SNRNP40: variants seen among roughly 807,000 people sequenced by gnomAD.
SNRNP40 encodes U5 small nuclear ribonucleoprotein 40 kDa protein.
Under a neutral mutation model 45.8 loss-of-function variants are expected in SNRNP40, and 21 were observed. The observed-to-expected ratio is 0.46, with a 90% CI of 0.32 to 0.66. The LOEUF is 0.66. Ranked by LOEUF, SNRNP40 falls within the 30% of genes least tolerant of loss-of-function variation. The pLI, the probability that SNRNP40 is intolerant of heterozygous loss-of-function variation, is 0.03. For synonymous variants in SNRNP40, 142 were observed against 163.8 expected (o/e 0.87, Z 1.01); for missense variants, 344 against 439.1 (o/e 0.78, Z 1.94).
intron 9 of SNRNP40, chr1:31,261,035 G>A (rs1300243700): frequency 2.3e-6 from 3 of 1,282,074 alleles, no homozygotes; most frequent in Non-Finnish European, 3.0e-6. Context: ...GACTGACATT[G>A]ATACCCACAT....
chr1:31,277,231 TATA>T (rs1404829782), intron 5 of SNRNP40, among the ~76,000 whole-genome samples: 1 of 152,178 alleles, frequency 6.6e-6, no homozygotes, highest in African/African-American at 2.4e-5. Flanking sequence ...GAATGAATAT[TATA>T]ATGTTTACAT....
chr1:31,287,663 T>C (rs1646069169), intron 4 of SNRNP40, among the ~76,000 whole-genome samples: 1 of 152,056 alleles, frequency 6.6e-6, no homozygotes, highest in Admixed American at 6.6e-5. Flanking sequence ...CATCCAACCA[T>C]CAAGGGGCCC....
intron 6 of SNRNP40, among the ~76,000 whole-genome samples, chr1:31,270,970 G>C (rs997980650): frequency 6.6e-6 from 1 of 152,146 alleles, no homozygotes; most frequent in Non-Finnish European, 1.5e-5. Flanking sequence ...GAGTGGGGAG[G>C]GAAGACAGAC....
At chr1:31,274,645 T>TAAAAAAA (rs368995037) in intron 5 of SNRNP40, among the ~76,000 whole-genome samples, 3 of 112,000 alleles carry the variant, frequency 2.7e-5, no homozygotes, top group Admixed American at 9.9e-5. Flanking sequence ...ACCATTACAT[T>TAAAAAAA]AAAAAAAAAA....
chr1:31,274,535 C>T (rs1645961828), intron 5 of SNRNP40, among the ~76,000 whole-genome samples: 1 of 151,740 alleles, frequency 6.6e-6, no homozygotes, highest in Non-Finnish European at 1.5e-5. Flanking sequence ...GTCACCGCGC[C>T]TGGCCTGGCC....
At chr1:31,277,714 A>G (rs1412732187) in intron 5 of SNRNP40, among the ~76,000 whole-genome samples, 8 of 152,122 alleles carry the variant, frequency 5.3e-5, no homozygotes, top group Non-Finnish European at 8.8e-5. Context: ...TAATGCTTTG[A>G]GACAGGGTCT....
At chr1:31,269,111 C>A (rs1645919386) in intron 7 of SNRNP40, 47 bp downstream of exon 7, 1 of 1,506,294 alleles carries the variant, frequency 6.6e-7, no homozygotes, top group Non-Finnish European at 8.9e-7. Flanking sequence ...TTAAATGTTT[C>A]TCTGAAGTAA....
chr1:31,262,135 G>A (rs898717651), intron 8 of SNRNP40, among the ~76,000 whole-genome samples: 4 of 152,130 alleles, frequency 2.6e-5, no homozygotes, highest in Non-Finnish European at 4.4e-5. Context: ...TATAGTGTTT[G>A]CTAACCTAAT....
At chr1:31,286,228 T>C (rs1229280954) in intron 4 of SNRNP40, among the ~76,000 whole-genome samples, 5 of 152,190 alleles carry the variant, frequency 3.3e-5, no homozygotes, top group Non-Finnish European at 7.3e-5. Context: ...ATATTGAATA[T>C]TGTGAGTTCA....
At chr1:31,266,643 C>T (rs767985542) in intron 8 of SNRNP40, among the ~76,000 whole-genome samples, 24 of 152,204 alleles carry the variant, frequency 1.6e-4, no homozygotes, top group South Asian at 2.1e-4. Context: ...ATTAATTCAG[C>T]ATGGGGTGGA....
intron 5 of SNRNP40, among the ~76,000 whole-genome samples, chr1:31,276,277 T>G (rs1645974166): frequency 6.6e-6 from 1 of 152,194 alleles, no homozygotes; most frequent in Non-Finnish European, 1.5e-5. Flanking sequence ...AATTGCAAAA[T>G]GATCCCAACT....
intron 8 of SNRNP40, among the ~76,000 whole-genome samples, chr1:31,264,982 C>G (rs1054601169): frequency 1.3e-5 from 2 of 152,140 alleles, no homozygotes; most frequent in African/African-American, 4.8e-5. Context: ...TTTGGCATGG[C>G]AACATTTGGC....
chr1:31,287,962 A>G (rs532770515), intron 4 of SNRNP40, among the ~76,000 whole-genome samples: 1 of 152,270 alleles, frequency 6.6e-6, no homozygotes, highest in African/African-American at 2.4e-5. Flanking sequence ...GCGCCACTGC[A>G]CTCCAGCCTG....
chr1:31,280,677 C>T (rs1409271993), intron 5 of SNRNP40, among the ~76,000 whole-genome samples: 2 of 152,086 alleles, frequency 1.3e-5, no homozygotes, highest in African/African-American at 4.8e-5. Flanking sequence ...TAATACATTT[C>T]CTGGCACTTG....
At chr1:31,265,651 T>C (rs1645890672) in intron 8 of SNRNP40, among the ~76,000 whole-genome samples, 2 of 152,078 alleles carry the variant, frequency 1.3e-5, no homozygotes, top group South Asian at 2.1e-4. Context: ...TCATTCTGGC[T>C]AACACGGTGA....
chr1:31,266,907 T>C (rs1450533439), intron 8 of SNRNP40, among the ~76,000 whole-genome samples: 1 of 152,242 alleles, frequency 6.6e-6, no homozygotes, highest in Non-Finnish European at 1.5e-5. Context: ...CATTCCCTAA[T>C]CTCTAGGAGA....
chr1:31,267,203 G>GTGAT (rs1645903086), intron 8 of SNRNP40, among the ~76,000 whole-genome samples: 1 of 152,174 alleles, frequency 6.6e-6, no homozygotes, highest in African/African-American at 2.4e-5. Context: ...CAGCATTGTG[G>GTGAT]TGATGGTGGG....
At chr1:31,287,811 A>G (rs1646070798) in intron 4 of SNRNP40, among the ~76,000 whole-genome samples, 1 of 152,192 alleles carries the variant, frequency 6.6e-6, no homozygotes, top group Non-Finnish European at 1.5e-5. Flanking sequence ...CAGCCTGGCC[A>G]ATATGATGAA....
At chr1:31,272,338 G>A (rs140327608) in intron 5 of SNRNP40, among the ~76,000 whole-genome samples, 2 of 152,140 alleles carry the variant, frequency 1.3e-5, no homozygotes, top group East Asian at 3.9e-4. Context: ...ATAAATTACA[G>A]GTTCACTATT....
Sources: gnomAD v4.1 joint callset for allele counts (sites outside exome capture counted in the v4.1 genomes callset) on GRCh38, gnomAD v4.1.1 for gene constraint, MANE v1.5 for transcripts, NCBI Gene and HGNC (gene_info 2026-07-23, HGNC 2026-07-21) for gene names.